HERC1: variants seen among roughly 807,000 people sequenced by gnomAD.
HERC1 encodes the protein probable E3 ubiquitin-protein ligase HERC1.
A neutral mutation model predicts 554.3 loss-of-function variants in HERC1; 160 were observed. The observed-to-expected ratio is 0.29, with a 90% confidence interval of 0.25 to 0.33. HERC1 has a LOEUF of 0.33. HERC1 is among the 10% of genes least tolerant of loss of function. The pLI is 1.00. For synonymous variants in HERC1, 2,175 were observed against 2,131.7 expected (o/e 1.02, Z -0.56); for missense variants, 4,919 against 5,918.5 (o/e 0.83, Z 5.54).
intron 31 of HERC1, 120 bp from the exon 32 acceptor site, chr15:63,690,767 C>T: frequency 6.2e-6 from 4 of 645,944 alleles, no homozygotes; most frequent in Non-Finnish European, 1.1e-5. Context: ...AACTTGATTT[C>T]AAACTATTAT....
chr15:63,683,566 AT>A (rs2071593864), intron 34 of HERC1, among the ~76,000 whole-genome samples: 1 of 152,246 alleles, frequency 6.6e-6, no homozygotes, highest in African/African-American at 2.4e-5. Context: ...GGACTCCAAG[AT>A]TGACAAGCAA....
At position 63,732,966 on chromosome 15, in the gene HERC1, T is replaced by G; in HGVS notation, c.2826A>C (p.Glu942Asp). The change falls in exon 14 of 78, where the codon GAA becomes GAC. Residue 942 changes from glutamate (E) to aspartate (D), a missense_variant. This residue lies in a region of HERC1 where 744 missense variants were observed against 1,090.0 expected (regional missense o/e 0.68). Transcript: ENST00000443617. ...TTCTTAAGAGGGTCTTCATCAAAAT[T>G]TCAGCCAGGTGGGTATCTGGATGGC... is the stretch of plus-strand genomic sequence containing the variant. Reference protein sequence around the residue: ...QSCHPDTHLAEILMKTLLRNL... With the variant: ...QSCHPDTHLADILMKTLLRNL... 6.2e-7 allele frequency: 1 copy of G among 1,613,894 alleles called. No individual in the cohort carries two copies. Among genetic ancestry groups the G allele is most frequent in the Non-Finnish European group, 8.5e-7 (1 of 1,179,826 alleles).
intron 1 of HERC1, among the ~76,000 whole-genome samples, chr15:63,823,176 C>T (rs1415928485): frequency 6.6e-6 from 1 of 152,050 alleles, no homozygotes; most frequent in Non-Finnish European, 1.5e-5. Context: ...TCCAATAGGC[C>T]CCAGTGACTG....
In HERC1 at chr15:63,747,054, A is replaced by G; in HGVS notation, c.2384T>C (p.Leu795Pro). Reference protein sequence around the residue: ...REHHSFLKLCLKLLSNHLALA... With the variant: ...REHHSFLKLCPKLLSNHLALA... ...AGCAAGGTGATTTGAAAGTAGCTTCAGGCACAGCTTGAGAAAACTGTGGTG... is the reference window on the plus strand; with the variant it reads ...AGCAAGGTGATTTGAAAGTAGCTTCGGGCACAGCTTGAGAAAACTGTGGTG... Residue 795 changes from leucine (L) to proline (P), a missense_variant, in exon 12 of 78, where the codon CTG (leucine) becomes CCG (proline). Around this residue, in one of 11 missense-constraint regions of HERC1, gnomAD observed 744 missense variants for 1,090.0 expected, o/e 0.68. Coordinates refer to ENST00000443617, the MANE Select transcript of HERC1 (RefSeq NM_003922.4). The G allele has an allele frequency of 6.3e-7, 1 of 1,597,674 alleles. No homozygotes were observed. The highest frequency in any genetic ancestry group is 1.7e-5 in the Admixed American group (1 of 57,812).
In HERC1 at chr15:63,752,973, C is replaced by T; in HGVS notation, c.1887G>A (p.Leu629=). 1 of 1,613,520 alleles carries T rather than the reference C, an allele frequency of 6.2e-7. No individual in the cohort carries two copies. The part of the protein sequence containing the change: ...VCAGSQSSLA[L]TSTGQVYAWG... ...TTAGTCCTACCTGCCCTGTTGATGT[C>T]AAAGCAAGTGAAGACTGGCTCCCAG... The change falls in exon 8 of 78, where the codon TTG becomes TTA. Residue 629 remains leucine (L), a synonymous_variant. Coordinates refer to ENST00000443617, the MANE Select transcript of HERC1 (RefSeq NM_003922.4).
chr15:63,667,864 T>C (rs2070720376), intron 40 of HERC1, among the ~76,000 whole-genome samples: 1 of 152,226 alleles, frequency 6.6e-6, no homozygotes, highest in Non-Finnish European at 1.5e-5. Context: ...AGAGCAAGAC[T>C]AGTCCCTCCT....
chr15:63,702,013 T>TA (rs2072746737), intron 25 of HERC1, among the ~76,000 whole-genome samples: 1 of 152,212 alleles, frequency 6.6e-6, no homozygotes, highest in African/African-American at 2.4e-5. Context: ...TGAGATTGTT[T>TA]ACTTGTCCTT....
chr15:63,772,146 A>T (rs2075975467), intron 2 of HERC1, among the ~76,000 whole-genome samples: 1 of 152,036 alleles, frequency 6.6e-6, no homozygotes, highest in African/African-American at 2.4e-5. Context: ...GAAAAAGGAA[A>T]AATATTTAAA....
rs1349848010 is a variant in HERC1, at chr15:63,727,842, T to C, written c.3155-4A>G. On this transcript the variant is annotated splice_region_variant and splice_polypyrimidine_tract_variant and intron_variant, in intron 16 of 77. Coordinates refer to ENST00000443617, the MANE Select transcript of HERC1 (RefSeq NM_003922.4). The surrounding 1 kb of genome is among the most constrained non-coding windows in gnomAD (Gnocchi z 4.3). ...GCAGCTGAGACGTATATCACATCTATGAAGGGCAAGAAATTAAACATGGGA... is the reference window on the plus strand; with the variant it reads ...GCAGCTGAGACGTATATCACATCTACGAAGGGCAAGAAATTAAACATGGGA... 3 of 1,609,454 alleles carry C rather than the reference T, an allele frequency of 1.9e-6. No individual in the cohort carries two copies. The highest frequency in any genetic ancestry group is 3.4e-5 in the Admixed American group (2 of 59,284).
chr15:63,712,016 C>T (rs766630846), intron 24 of HERC1, among the ~76,000 whole-genome samples: 2 of 152,206 alleles, frequency 1.3e-5, no homozygotes, highest in African/African-American at 2.4e-5. Flanking sequence ...CTGTAGCATA[C>T]CTTTACCTCA....
rs756022131 is a variant in HERC1 at position 63,727,546 on chromosome 15, G to C, written c.3346+101C>G. The C allele has an allele frequency of 5.6e-5, 41 of 731,412 alleles. No individual in the cohort carries two copies. In the African/African-American group the frequency reaches 6.4e-4, roughly 11 times the overall value. The allele number at this position is 731,412 out of a possible 1,614,324, so 45.3% of individuals were successfully genotyped here. ...TTTCAGTGATGAAATTCCTTTGATA[G>C]CCTTAGGATAGATAGACTCCAATGG... On this transcript the variant is annotated intron_variant, in intron 17 of 77. Coordinates refer to ENST00000443617, the MANE Select transcript of HERC1 (RefSeq NM_003922.4). This position sits in a 1 kb window ranked among gnomAD's most constrained non-coding sequence, Gnocchi z 4.3.
chr15:63,644,076 C>T (rs1387576431), intron 57 of HERC1, among the ~76,000 whole-genome samples: 7 of 152,224 alleles, frequency 4.6e-5, no homozygotes, highest in African/African-American at 1.7e-4. Context: ...CCAGACCTAT[C>T]TGTAGTACTC....
chr15:63,621,419 T>C lies in HERC1; in HGVS notation c.13688+1396A>G, dbSNP rs1309266600. On this transcript the variant is annotated intron_variant, in intron 74 of 77. Transcript: ENST00000443617. ...TAACCCGACCTTTCTCTCTGGCTGC[T>C]CTTAACATTTTTTCCTTCATTTCAA... Among the ~76,000 whole-genome samples the C allele has an allele frequency of 2.0e-5, 3 of 152,126 alleles. No homozygotes were observed. The East Asian group carries it at 5.8e-4, about 29-fold the overall frequency.
intron 1 of HERC1, among the ~76,000 whole-genome samples, chr15:63,785,934 G>A (rs2143690622): frequency 6.6e-6 from 1 of 152,116 alleles, no homozygotes; most frequent in East Asian, 1.9e-4. Context: ...TCAAACTCCT[G>A]GACTCAGGCA....
intron 22 of HERC1, among the ~76,000 whole-genome samples, chr15:63,715,680 C>T (rs2073516043): frequency 6.6e-6 from 1 of 152,070 alleles, no homozygotes; most frequent in African/African-American, 2.4e-5. Flanking sequence ...CTGGAAATAG[C>T]CAAATCACTC....
Position 63,661,947 on chromosome 15 carries a change from A to G in HERC1, c.8976T>C (p.Asn2992=), listed in dbSNP as rs376664035. 8.1e-5 allele frequency: 131 copies of G among 1,613,950 alleles called. No homozygotes were observed. In the African/African-American group the frequency reaches 1.5e-3, roughly 19 times the overall value. Residue 2992 remains asparagine (N), a synonymous_variant, in exon 45 of 78, where the codon AAT becomes AAC. Coordinates refer to ENST00000443617, the MANE Select transcript of HERC1 (RefSeq NM_003922.4). ...ELCECSVVSF[N]QHMKRNHPGC... is the part of the protein sequence containing the mutation. Reference sequence around the variant, plus strand: ...CTGGATGGTTTCTCTTCATGTGCTGATTGAAGCTGACGACGCTGCATTCAC... The same window carrying G: ...CTGGATGGTTTCTCTTCATGTGCTGGTTGAAGCTGACGACGCTGCATTCAC...
chr15:63,660,909 G>C (rs1228946762), intron 46 of HERC1, 64 bp downstream of exon 46: 2 of 965,612 alleles, frequency 2.1e-6, no homozygotes, highest in Non-Finnish European at 3.4e-6. Context: ...TTTAGTAACA[G>C]ATGTTAAGCA....
Position 63,661,785 on chromosome 15 carries a change from C to T in HERC1, c.9138G>A (p.Met3046Ile). Residue 3046 changes from methionine to isoleucine, a missense_variant, in exon 45 of 78, where the codon ATG becomes ATA. Transcript: ENST00000443617. ...CGTCREKYLA[M>I]KTKSKSTSSE... The stretch of plus-strand genomic sequence containing the variant: ...AACTTGTTGACTTAGATTTGGTCTT[C>T]ATGGCTAAGTACTTCTCCCTGCAGG... The T allele has an allele frequency of 6.2e-7, 1 of 1,613,996 alleles. No homozygotes were observed. The highest frequency in any genetic ancestry group is 8.5e-7 in the Non-Finnish European group (1 of 1,179,884).
At chr15:63,809,836 G>A (rs183820217) in intron 1 of HERC1, among the ~76,000 whole-genome samples, 6 of 151,278 alleles carry the variant, frequency 4.0e-5, no homozygotes, top group East Asian at 3.9e-4. Flanking sequence ...GGGAAATGAC[G>A]TTTTTTGTTT....
Sources: allele counts gnomAD v4.1 joint callset (sites outside exome capture counted in the v4.1 genomes callset), GRCh38; gene constraint gnomAD v4.1.1; regional missense constraint gnomAD v4.1.1; non-coding constraint Gnocchi (gnomAD v3.1); transcripts MANE v1.5; gene names NCBI Gene and HGNC (gene_info 2026-07-23, HGNC 2026-07-21).